The following ADRA1B variants were observed in gnomAD, a reference collection of about 807,000 sequenced individuals.
The protein encoded by ADRA1B is adrenoceptor alpha 1B, also known as alpha-1B adrenergic receptor.
A neutral mutation model predicts 17.9 loss-of-function variants in ADRA1B; 17 were observed. The ratio of observed to expected loss-of-function variants is 0.95; its 90% CI spans 0.65 to 1.42. ADRA1B has a LOEUF of 1.42. Among genes scored for constraint, ADRA1B ranks in the 40% most tolerant of loss-of-function variants. ADRA1B has a pLI of 0.00. For missense variants in ADRA1B, 681 were observed against 722.1 expected (o/e 0.94, Z 0.65); for synonymous variants, 366 against 327.6 (o/e 1.12, Z -1.27).
At position 159,928,459 on chromosome 5, in the gene ADRA1B, T is replaced by C. The variant is rs562638199; in HGVS notation, c.949+10605T>C. Reference sequence around the variant, plus strand: ...TGGTGCGAGCACAGGAATTGTGCTATAAAAGTTGCACCAACGAGCAGTTCA... The same window carrying C: ...TGGTGCGAGCACAGGAATTGTGCTACAAAAGTTGCACCAACGAGCAGTTCA... On this transcript the variant is annotated intron_variant, in intron 1 of 1. Coordinates refer to ENST00000306675, the MANE Select transcript of ADRA1B (RefSeq NM_000679.4). Among the ~76,000 whole-genome samples the C allele has an allele frequency of 1.9e-4, 29 of 152,324 alleles. No individual in the cohort carries two copies. In the South Asian group the frequency reaches 6.0e-3, roughly 32 times the overall value.
intron 1 of ADRA1B, among the ~76,000 whole-genome samples, chr5:159,909,960 T>C (rs1182931678): frequency 1.3e-5 from 2 of 152,120 alleles, no homozygotes; most frequent in African/African-American, 4.8e-5. Flanking sequence ...AAATTCTCAA[T>C]AAGGTCTAGA....
chr5:159,881,056 C>A (rs1753855687), intron 1 of ADRA1B, among the ~76,000 whole-genome samples: 1 of 152,026 alleles, frequency 6.6e-6, no homozygotes, highest in African/African-American at 2.4e-5. Context: ...TCTGTGTAGT[C>A]CCAGCTACTC....
upstream of ADRA1B, among the ~76,000 whole-genome samples, chr5:159,914,898 G>A (rs1217761200): frequency 1.3e-5 from 2 of 152,186 alleles, no homozygotes; most frequent in Non-Finnish European, 2.9e-5. Context: ...ATCTCCAGCT[G>A]CCACTGCCCA....
At chr5:159,971,761 G>T in intron 1 of ADRA1B, 118 bp from the exon 2 acceptor site, 1 of 1,110,224 alleles carries the variant, frequency 9.0e-7, no homozygotes, top group East Asian at 2.9e-5. Flanking sequence ...TCGGGGAAAG[G>T]CCTGGCGGCA....
At chr5:159,949,857 G>A (rs530169069) in intron 1 of ADRA1B, among the ~76,000 whole-genome samples, 2 of 152,270 alleles carry the variant, frequency 1.3e-5, no homozygotes, top group East Asian at 1.9e-4. Flanking sequence ...TTCTTCACAC[G>A]CTGGCGTTTT....
At chr5:159,950,121 T>A (rs1188278443) in intron 1 of ADRA1B, among the ~76,000 whole-genome samples, 1 of 152,218 alleles carries the variant, frequency 6.6e-6, no homozygotes, top group Non-Finnish European at 1.5e-5. Flanking sequence ...TTTTTTGTAA[T>A]GATCCATCAG....
the ADRA1B span, among the ~76,000 whole-genome samples, chr5:159,985,979 C>T: frequency 2.6e-5 from 4 of 152,222 alleles, no homozygotes; most frequent in East Asian, 5.8e-4. Context: ...GCAGTGACTA[C>T]TCTTTAATGC....
chr5:159,873,773 T>C (rs1753774218), intron 1 of ADRA1B, among the ~76,000 whole-genome samples: 2 of 152,202 alleles, frequency 1.3e-5, no homozygotes, highest in Admixed American at 1.3e-4. Flanking sequence ...TGTGCAGGCC[T>C]GTCCCCAGTG....
At chr5:159,896,998 T>C (rs1040693580) in intron 1 of ADRA1B, among the ~76,000 whole-genome samples, 2 of 152,204 alleles carry the variant, frequency 1.3e-5, no homozygotes, top group Non-Finnish European at 2.9e-5. Flanking sequence ...TGCATATCTT[T>C]TATTCTTTTC....
the ADRA1B span, among the ~76,000 whole-genome samples, chr5:159,986,005 G>A: frequency 6.6e-6 from 1 of 152,340 alleles, no homozygotes; most frequent in East Asian, 1.9e-4. Flanking sequence ...GCTGAAAGCA[G>A]TTATTAAGAA....
chr5:159,898,435 T>G (rs1754060853), intron 1 of ADRA1B, among the ~76,000 whole-genome samples: 1 of 152,222 alleles, frequency 6.6e-6, no homozygotes, highest in Non-Finnish European at 1.5e-5. Flanking sequence ...ACTGAAACTC[T>G]GATAAACATA....
At position 159,917,095 on chromosome 5, in the gene ADRA1B, A is replaced by T; in HGVS notation, c.190A>T (p.Ile64Phe). ...CATCCTCTTTGCCATCGTGGGCAAC[A>T]TCCTAGTCATCTTGTCTGTGGCCTG... ...AFILFAIVGN[I>F]LVILSVACNR... is the part of the protein sequence containing the mutation. Residue 64 changes from isoleucine to phenylalanine, a missense_variant, in exon 1 of 2, where the codon ATC (isoleucine) becomes TTC (phenylalanine). Physicochemically the swap from Ile to Phe is conservative, Grantham distance 21. This residue lies in a region of ADRA1B where 424 missense variants were observed against 480.2 expected (regional missense o/e 0.88). Transcript: ENST00000306675. 1 of 1,614,064 alleles carries T rather than the reference A, an allele frequency of 6.2e-7. No homozygotes were observed. The highest frequency in any genetic ancestry group is 8.5e-7 in the Non-Finnish European group (1 of 1,179,982).
intron 1 of ADRA1B, among the ~76,000 whole-genome samples, chr5:159,898,587 G>A (rs1466310962): frequency 6.6e-6 from 1 of 152,170 alleles, no homozygotes; most frequent in Non-Finnish European, 1.5e-5. Flanking sequence ...ATAGTTCATT[G>A]TTATTTGAAA....
At chr5:159,878,862 A>T (rs1248941221) in intron 1 of ADRA1B, among the ~76,000 whole-genome samples, 1 of 152,148 alleles carries the variant, frequency 6.6e-6, no homozygotes, top group African/African-American at 2.4e-5. Flanking sequence ...ATCAACTAAC[A>T]TCTTCTCTGT....
chr5:159,944,082 C>A (rs189556493), intron 1 of ADRA1B, among the ~76,000 whole-genome samples: 26 of 152,284 alleles, frequency 1.7e-4, no homozygotes, highest in African/African-American at 5.8e-4. Flanking sequence ...TTACAGAGAC[C>A]ATTTTCACCT....
chr5:159,901,203 A>C (rs991336526), intron 1 of ADRA1B, among the ~76,000 whole-genome samples: 4 of 151,730 alleles, frequency 2.6e-5, no homozygotes, highest in Non-Finnish European at 4.4e-5. Context: ...AAGATAATCC[A>C]TTCTCTTGAA....
chr5:159,865,372 A>G (rs895645916), intron 1 of ADRA1B, among the ~76,000 whole-genome samples: 2 of 151,212 alleles, frequency 1.3e-5, no homozygotes, highest in African/African-American at 4.8e-5. Flanking sequence ...GCTTTGGGGA[A>G]AAAAAAAACA....
chr5:159,944,886 A>T (rs1364491329), intron 1 of ADRA1B, among the ~76,000 whole-genome samples: 1 of 152,204 alleles, frequency 6.6e-6, no homozygotes, highest in East Asian at 1.9e-4. Context: ...AGGCAAAGCC[A>T]CTGCCTCCAT....
intron 1 of ADRA1B, among the ~76,000 whole-genome samples, chr5:159,920,638 G>A (rs1347541704): frequency 6.6e-6 from 1 of 152,108 alleles, no homozygotes; most frequent in Non-Finnish European, 1.5e-5. Flanking sequence ...TGGACTCTAG[G>A]ACTTGAGTTT....
Sources: gnomAD v4.1 joint callset for allele counts (sites outside exome capture counted in the v4.1 genomes callset) on GRCh38, gnomAD v4.1.1 for gene constraint, gnomAD v4.1.1 regional missense constraint, MANE v1.5 for transcripts, NCBI Gene and HGNC (gene_info 2026-07-23, HGNC 2026-07-21) for gene names.